The following PAK6 variants were observed in gnomAD, a reference collection of about 807,000 sequenced individuals.
PAK6 encodes the protein p21 (RAC1) activated kinase 6, also known as serine/threonine-protein kinase PAK 6.
Under a neutral mutation model 60.8 loss-of-function variants are expected in PAK6, and 33 were observed. The ratio of observed to expected loss-of-function variants is 0.54; its 90% confidence interval spans 0.41 to 0.73. PAK6 has a LOEUF of 0.73. Ranked by LOEUF, PAK6 falls within the 30% of genes least tolerant of loss-of-function variation. The probability of loss-of-function intolerance (pLI) is 0.00; values close to 1 mark genes in which losing one functional copy is unlikely to be tolerated. For synonymous variants in PAK6, 404 were observed against 378.5 expected (o/e 1.07, Z -0.78); for missense variants, 845 against 904.1 (o/e 0.93, Z 0.84).
intron 3 of PAK6, among the ~76,000 whole-genome samples, chr15:40,261,187 C>T (rs1225523263): frequency 6.6e-6 from 1 of 151,604 alleles, no homozygotes; most frequent in Non-Finnish European, 1.5e-5. Flanking sequence ...CGCGCCTGGC[C>T]CTTTTTAAAA....
At chr15:40,275,742 C>T (rs1454146909) in intron 10 of PAK6, among the ~76,000 whole-genome samples, 185 bp from the exon 11 acceptor site, 1 of 152,156 alleles carries the variant, frequency 6.6e-6, no homozygotes, top group African/African-American at 2.4e-5. Flanking sequence ...TGCCAATCCT[C>T]TGCCCCTTCC....
Position 40,273,679 on chromosome 15 carries a change from A to G in PAK6, c.1743+3A>G, listed in dbSNP as rs375011877. 2 of 1,613,290 alleles carry G rather than the reference A, an allele frequency of 1.2e-6. No individual in the cohort carries two copies. The highest frequency in any genetic ancestry group is 1.7e-6 in the Non-Finnish European group (2 of 1,179,530). ...CCAGGTCTTTGTATGCCACTGAGGT[A>G]ACCGTTCCCTCCACCCCCCAGACCT... is the stretch of plus-strand genomic sequence containing the variant. On this transcript the variant is annotated splice_donor_region_variant and intron_variant, in intron 9 of 10. Transcript: ENST00000560346.
chr15:40,273,301 G>A (rs776994417), intron 7 of PAK6, 45 bp from the exon 8 acceptor site: 3 of 1,600,326 alleles, frequency 1.9e-6, no homozygotes, highest in Non-Finnish European at 2.6e-6. Flanking sequence ...CGACCTGCCA[G>A]AGCTAACGTT....
At chr15:40,264,808 A>C (rs2140978468) in exon 4 of PAK6, 1 of 1,613,860 alleles carries the variant, frequency 6.2e-7, no homozygotes, top group South Asian at 1.1e-5. Context: ...AAAAAGAAGA[A>C]ACGCCCTGAG....
exon 5 of PAK6, chr15:40,266,306 C>A: frequency 6.2e-7 from 1 of 1,611,962 alleles, no homozygotes; most frequent in Non-Finnish European, 8.5e-7. Flanking sequence ...CCAAGCATGG[C>A]TCTGAGGAGG....
chr15:40,244,066 TC>T (rs764341559), intron 2 of PAK6, among the ~76,000 whole-genome samples: 5 of 152,208 alleles, frequency 3.3e-5, no homozygotes, highest in Admixed American at 1.3e-4. Context: ...GTGCAGTGGC[TC>T]ACGCCTGTAA....
intron 4 of PAK6, 62 bp downstream of exon 4, chr15:40,265,051 C>T: frequency 6.7e-7 from 1 of 1,503,008 alleles, no homozygotes. Flanking sequence ...CCATGCCTGG[C>T]TAAACCTCAG....
chr15:40,270,871 G>A (rs1258075853), intron 5 of PAK6, among the ~76,000 whole-genome samples: 1 of 152,230 alleles, frequency 6.6e-6, no homozygotes, highest in African/African-American at 2.4e-5. Flanking sequence ...CTTGGCTGGA[G>A]AGTAGAAGCC....
chr15:40,255,794 G>A (rs2038817670), intron 3 of PAK6, among the ~76,000 whole-genome samples: 1 of 152,128 alleles, frequency 6.6e-6, no homozygotes. Context: ...GCTTTTCATC[G>A]CTGAATGAGT....
intron 2 of PAK6, chr15:40,252,885 G>T: frequency 1.6e-6 from 2 of 1,228,408 alleles, no homozygotes; most frequent in Non-Finnish European, 1.0e-6. Context: ...CCGGCGCGGG[G>T]CATTCGCGTC....
At chr15:40,263,364 C>T (rs998093965) in intron 3 of PAK6, among the ~76,000 whole-genome samples, 1 of 152,188 alleles carries the variant, frequency 6.6e-6, no homozygotes, top group Non-Finnish European at 1.5e-5. Flanking sequence ...GATCCAAAAG[C>T]ATTCAAGAGG....
exon 7 of PAK6, chr15:40,272,956 T>C (rs1373060023): frequency 6.2e-7 from 1 of 1,613,834 alleles, no homozygotes; most frequent in South Asian, 1.1e-5. Context: ...GCTCATGGAG[T>C]TCCTGCAGGG....
rs528879538 is a variant in PAK6, at chr15:40,269,083, A to G, written c.858+2588A>G. ...GCCCAGGCTGGAGTGCAGTGGCACA[A>G]TCTTGGCTCACTGCAACCTCCACCT... On this transcript the variant is annotated intron_variant, in intron 5 of 10. Coordinates refer to ENST00000560346, the Ensembl canonical transcript of PAK6. 6.6e-4 allele frequency among the ~76,000 whole-genome samples: 100 copies of G among 152,310 alleles called. 2 individuals are homozygous for G. Among genetic ancestry groups the G allele is most frequent in the African/African-American group, 2.4e-3 (98 of 41,560 alleles).
chr15:40,249,922 G>T (rs139282321), intron 2 of PAK6, among the ~76,000 whole-genome samples: 1 of 152,362 alleles, frequency 6.6e-6, no homozygotes, highest in East Asian at 1.9e-4. Flanking sequence ...TCTGTTTTGG[G>T]TGTCTCTTCC....
At chr15:40,268,017 G>C (rs1298961970) in intron 5 of PAK6, among the ~76,000 whole-genome samples, 1 of 152,180 alleles carries the variant, frequency 6.6e-6, no homozygotes, top group Non-Finnish European at 1.5e-5. Flanking sequence ...ACAGCAGGGG[G>C]AGAGGCCTGT....
At chr15:40,257,520 A>G (rs2038870190) in intron 3 of PAK6, among the ~76,000 whole-genome samples, 1 of 152,232 alleles carries the variant, frequency 6.6e-6, no homozygotes, top group South Asian at 2.1e-4. Context: ...GGTTAGGAGG[A>G]CAGCTGAGGT....
chr15:40,250,281 A>G (rs193250797), intron 2 of PAK6, among the ~76,000 whole-genome samples: 3 of 152,324 alleles, frequency 2.0e-5, no homozygotes, highest in East Asian at 3.9e-4. Context: ...AGCTGTCTCA[A>G]TGTGTGGGGA....
chr15:40,242,965 C>T (rs145019344), intron 2 of PAK6, among the ~76,000 whole-genome samples: 159 of 152,270 alleles, frequency 1.0e-3, no homozygotes, highest in Non-Finnish European at 1.7e-3. Context: ...CATAGCCCTG[C>T]AGCAGAGCAG....
At chr15:40,267,375 C>A (rs945210695) in intron 5 of PAK6, among the ~76,000 whole-genome samples, 2 of 152,122 alleles carry the variant, frequency 1.3e-5, no homozygotes, top group African/African-American at 4.8e-5. Flanking sequence ...AAGTTCTGGG[C>A]GGCCGCGCGT....
Sources: allele counts gnomAD v4.1 joint callset (sites outside exome capture counted in the v4.1 genomes callset), GRCh38; gene constraint gnomAD v4.1.1; transcripts MANE v1.5; gene names NCBI Gene and HGNC (gene_info 2026-07-23, HGNC 2026-07-21).